The following FAM227A variants were observed in gnomAD, a reference collection of about 807,000 sequenced individuals.
The protein encoded by FAM227A is family with sequence similarity 227 member A, also known as protein FAM227A.
Under a neutral mutation model 74.7 loss-of-function variants are expected in FAM227A, and 80 were observed. That is an observed-to-expected ratio of 1.07 (90% CI 0.89 to 1.29). The LOEUF is 1.29. FAM227A is among the 50% of genes most tolerant of loss of function. The probability of loss-of-function intolerance (pLI) is 0.00; values close to 1 mark genes in which losing one functional copy is unlikely to be tolerated. For synonymous variants in FAM227A, 237 were observed against 241.8 expected, an observed-to-expected ratio of 0.98 and a Z score of 0.19; for missense variants, 654 against 683.4, an observed-to-expected ratio of 0.96 and a Z score of 0.48.
intron 2 of FAM227A, among the ~76,000 whole-genome samples, chr22:38,647,295 T>A (rs371039532): frequency 5.8e-4 from 88 of 151,946 alleles, no homozygotes; most frequent in African/African-American, 2.1e-3. Context: ...TGAAATCCCG[T>A]CTCTACTAAA....
rs2145671369 is a variant in FAM227A, at chr22:38,639,709, C to T, written c.241G>A (p.Glu81Lys). 4 of 1,551,502 alleles carry T rather than the reference C, an allele frequency of 2.6e-6. No homozygotes were observed. The East Asian group carries it at 7.3e-5, about 28-fold the overall frequency. Residue 81 changes from glutamate (E) to lysine (K), a missense_variant, in exon 4 of 17, where the codon GAG becomes AAG. Coordinates refer to ENST00000535113, the MANE Select transcript of FAM227A (RefSeq NM_001013647.2). ...TCTCTTAAAGCCTTCTTCTCCAACTCAAATCTCTCAATTGCCTTCAAAAAC... is the reference window on the plus strand; with the variant it reads ...TCTCTTAAAGCCTTCTTCTCCAACTTAAATCTCTCAATTGCCTTCAAAAAC... ...SANSLAIERF[E>K]LEKKALREKT...
chr22:38,613,137 A>T (rs374713796), intron 11 of FAM227A, among the ~76,000 whole-genome samples: 40 of 85,098 alleles, frequency 4.7e-4, no homozygotes, highest in East Asian at 4.1e-3. Flanking sequence ...TATATATATA[A>T]TATATATATT....
At chr22:38,608,043 T>C (rs1315283368) in intron 11 of FAM227A, among the ~76,000 whole-genome samples, 2 of 147,814 alleles carry the variant, frequency 1.4e-5, no homozygotes, top group African/African-American at 5.0e-5. Context: ...AGAGAGGCAA[T>C]AGAAGTTAGG....
At chr22:38,597,095 T>C (rs985119122) in intron 15 of FAM227A, 109 bp downstream of exon 15, 1 of 952,804 alleles carries the variant, frequency 1.0e-6, no homozygotes, top group African/African-American at 1.6e-5. Context: ...ATGCTTATGA[T>C]GGTTACAGGA....
Position 38,636,433 on chromosome 22 carries a change from G to C in FAM227A, c.519+18C>G. 1 of 1,549,652 alleles carries C rather than the reference G, an allele frequency of 6.5e-7. No homozygotes were observed. Among genetic ancestry groups the C allele is most frequent in the Non-Finnish European group, 8.7e-7 (1 of 1,146,302 alleles). ...CCATGGGTTGGCAAACTCAGGGCAG[G>C]CACTGCTTTTTCCTCACCTTGCCAC... On this transcript the variant is annotated intron_variant, in intron 6 of 16. Transcript: ENST00000535113.
intron 11 of FAM227A, among the ~76,000 whole-genome samples, chr22:38,611,169 A>C (rs5757177): frequency 0.38 from 58,511 of 152,090 alleles, 11,929 homozygotes; most frequent in African/African-American, 0.52. Context: ...GGGTAAACCA[A>C]GACTGTTCTG....
chr22:38,589,169 C>T (rs994380985), intron 16 of FAM227A, among the ~76,000 whole-genome samples: 5 of 152,076 alleles, frequency 3.3e-5, no homozygotes, highest in Non-Finnish European at 7.3e-5. Context: ...CAGGTGATGA[C>T]AGAGGCAGAG....
At chr22:38,636,772 T>C (rs2092015746) in intron 5 of FAM227A, among the ~76,000 whole-genome samples, 175 bp from the exon 6 acceptor site, 1 of 61,770 alleles carries the variant, frequency 1.6e-5, no homozygotes, top group African/African-American at 7.4e-5. Flanking sequence ...CATTATTTCT[T>C]TTTTTTTTTT....
rs542436102 is a variant in FAM227A, at chr22:38,620,569, C to T, written c.959-278G>A. ...CTGTAATCCCAGCACTTTGGGAGGC[C>T]GAGGCGGGCGGATCACGAGGTCAGG... On this transcript the variant is annotated intron_variant, in intron 10 of 16. Coordinates refer to ENST00000535113, the MANE Select transcript of FAM227A (RefSeq NM_001013647.2). Among the ~76,000 whole-genome samples the T allele has an allele frequency of 1.4e-4, 22 of 151,992 alleles. No homozygotes were observed. In the East Asian group the frequency reaches 1.7e-3, roughly 12 times the overall value.
chr22:38,604,189 T>C (rs1454190867), intron 13 of FAM227A, among the ~76,000 whole-genome samples: 2 of 151,956 alleles, frequency 1.3e-5, no homozygotes, highest in Non-Finnish European at 2.9e-5. Flanking sequence ...TAGCCGGGTG[T>C]GGTGGCACAC....
intron 1 of FAM227A, among the ~76,000 whole-genome samples, chr22:38,654,427 A>G (rs2092362395): frequency 6.6e-6 from 1 of 152,024 alleles, no homozygotes; most frequent in Non-Finnish European, 1.5e-5. Flanking sequence ...TGAGGCTGGA[A>G]AGGTAGGAAG....
chr22:38,605,376 G>A (rs1472113982), intron 12 of FAM227A, 28 bp from the exon 13 acceptor site: 5 of 1,370,844 alleles, frequency 3.6e-6, no homozygotes, highest in South Asian at 2.5e-5. Flanking sequence ...GCAAGAAAAT[G>A]ACCATTAGGT....
chr22:38,622,931 A>C (rs1018102495), intron 10 of FAM227A, among the ~76,000 whole-genome samples: 11 of 150,718 alleles, frequency 7.3e-5, no homozygotes, highest in African/African-American at 2.7e-4. Context: ...TGCATGGCAC[A>C]CAGGTAGACA....
intron 1 of FAM227A, among the ~76,000 whole-genome samples, chr22:38,652,687 C>T (rs1002313067): frequency 6.0e-5 from 9 of 150,152 alleles, no homozygotes; most frequent in African/African-American, 2.0e-4. Context: ...GAGATCGAGA[C>T]CATTCTGGCT....
At position 38,597,942 on chromosome 22, in the gene FAM227A, C is replaced by T. The variant is rs934016711; in HGVS notation, c.1380-586G>A. 5.3e-5 allele frequency among the ~76,000 whole-genome samples: 8 copies of T among 150,298 alleles called. No individual in the cohort carries two copies. In the East Asian group the frequency reaches 1.6e-3, roughly 30 times the overall value. ...CCTGTAATCCCAGCTACTTGGGAGG[C>T]TGAGGCAGGAGAATCGCTTGAACCC... On this transcript the variant is annotated intron_variant, in intron 14 of 16. Coordinates refer to ENST00000535113, the MANE Select transcript of FAM227A (RefSeq NM_001013647.2).
intron 16 of FAM227A, among the ~76,000 whole-genome samples, chr22:38,587,704 G>GT (rs142296650): frequency 0.01 from 1,531 of 152,226 alleles, 31 homozygotes; most frequent in African/African-American, 0.036. Context: ...AATAGAAGAG[G>GT]TAACAGTATT....
Position 38,586,051 on chromosome 22 carries a change from T to G in FAM227A, c.*74A>C, listed in dbSNP as rs1348043260. 18 of 1,548,398 alleles carry G rather than the reference T, an allele frequency of 1.2e-5. No individual in the cohort carries two copies. The highest frequency in any genetic ancestry group is 1.6e-5 in the Non-Finnish European group (18 of 1,146,102). ...CTTTGGCCACAATTTTCTTATTTTC[T>G]TGTTCCACTCCACCTCGTAGCAGAA... On this transcript the variant is annotated 3_prime_UTR_variant, in exon 17 of 17. Transcript: ENST00000535113.
At chr22:38,588,387 G>A (rs1876747999) in intron 16 of FAM227A, among the ~76,000 whole-genome samples, 1 of 152,082 alleles carries the variant, frequency 6.6e-6, no homozygotes, top group Admixed American at 6.5e-5. Flanking sequence ...GGGGGGCCGA[G>A]GTGGGTGGAT....
intron 11 of FAM227A, among the ~76,000 whole-genome samples, chr22:38,608,793 CTTTTTT>C (rs35393303): frequency 1.1e-4 from 11 of 97,028 alleles, no homozygotes; most frequent in African/African-American, 3.9e-4. Context: ...ACCCTTGTTC[CTTTTTT>C]TTTTTTTTTT....
Sources: allele counts gnomAD v4.1 joint callset (sites outside exome capture counted in the v4.1 genomes callset), GRCh38; gene constraint gnomAD v4.1.1; transcripts MANE v1.5; gene names NCBI Gene and HGNC (gene_info 2026-07-23, HGNC 2026-07-21).